Variants in STPG4 observed in about 807,000 individuals in gnomAD.
STPG4 encodes the protein protein STPG4.
Under a neutral mutation model 31.5 loss-of-function variants are expected in STPG4, and 41 were observed. The observed-to-expected ratio is 1.30, with a 90% CI of 1.01 to 1.69. STPG4 has a LOEUF of 1.69. Ranked by LOEUF, STPG4 falls within the 40% of genes most tolerant of loss-of-function variation. STPG4 has a pLI of 0.00. For missense variants in STPG4, 375 were observed against 293.4 expected, an observed-to-expected ratio of 1.28 and a Z score of -2.03; for synonymous variants, 141 against 103.0, an observed-to-expected ratio of 1.37 and a Z score of -2.24.
chr2:47,102,163 T>C (rs921543479), intron 5 of STPG4, among the ~76,000 whole-genome samples: 3 of 135,858 alleles, frequency 2.2e-5, no homozygotes, highest in Admixed American at 7.2e-5. Context: ...TTGCAGGTTC[T>C]TGGGCAGGGG....
chr2:47,147,904 A>G (rs916905859), intron 3 of STPG4, among the ~76,000 whole-genome samples: 6 of 152,086 alleles, frequency 3.9e-5, no homozygotes, highest in Admixed American at 2.0e-4. Context: ...CCAAATATAG[A>G]TAAGTATATG....
At chr2:47,130,384 T>C (rs1686453480) in intron 3 of STPG4, 124 bp from the exon 4 acceptor site, 3 of 755,258 alleles carry the variant, frequency 4.0e-6, no homozygotes, top group Non-Finnish European at 6.5e-6. Context: ...TTTACTTTAA[T>C]AGTGGAAAAG....
intron 3 of STPG4, among the ~76,000 whole-genome samples, chr2:47,142,791 C>G (rs74893307): frequency 7.0e-6 from 1 of 143,352 alleles, no homozygotes; most frequent in African/African-American, 2.5e-5. Context: ...CATGTAGTAA[C>G]AACTTAGAGA....
Position 47,130,247 on chromosome 2 carries a change from G to A in STPG4, c.413C>T (p.Ser138Phe). ...AGGAAGCACGTTGTATTGCCCCGGA[G>A]AAAGCTGAAGTGACTGCACAGAATG... The part of the protein sequence containing the change: ...LVDKDQSLQL[S>F]PGQYNVLPAP... Residue 138 changes from serine (S) to phenylalanine (F), a missense_variant, in exon 4 of 7, where the codon TCT (serine) becomes TTT (phenylalanine). Coordinates refer to ENST00000445927, the MANE Select transcript of STPG4 (RefSeq NM_001163561.2). 1.2e-6 allele frequency: 2 copies of A among 1,614,108 alleles called. No individual in the cohort carries two copies. The highest frequency in any genetic ancestry group is 1.7e-4 in the Middle Eastern group (1 of 6,060).
chr2:47,153,421 A>G (rs1366563707), intron 1 of STPG4, among the ~76,000 whole-genome samples: 2 of 152,236 alleles, frequency 1.3e-5, no homozygotes, highest in Non-Finnish European at 2.9e-5. Context: ...TCCTCACAGT[A>G]GTATAAAAAT....
intron 5 of STPG4, among the ~76,000 whole-genome samples, chr2:47,106,957 T>G (rs1322584959): frequency 6.6e-6 from 1 of 151,980 alleles, no homozygotes; most frequent in Non-Finnish European, 1.5e-5. Flanking sequence ...CACTGGCACT[T>G]CCACTGGCCT....
At chr2:47,126,738 T>C (rs1376029494) in intron 5 of STPG4, among the ~76,000 whole-genome samples, 4 of 152,156 alleles carry the variant, frequency 2.6e-5, no homozygotes, top group Non-Finnish European at 5.9e-5. Flanking sequence ...GCTTTGGTTG[T>C]CTGGGAAAGT....
At chr2:47,148,647 A>G (rs1298714174) in intron 3 of STPG4, among the ~76,000 whole-genome samples, 3 of 152,140 alleles carry the variant, frequency 2.0e-5, no homozygotes, top group African/African-American at 7.2e-5. Flanking sequence ...CGTCATTTAC[A>G]TTAGGTATAT....
At chr2:47,130,016 G>C (rs977393210) in intron 4 of STPG4, 21 bp from the exon 5 acceptor site, 1 of 1,517,234 alleles carries the variant, frequency 6.6e-7, no homozygotes, top group African/African-American at 1.4e-5. Flanking sequence ...AAATAAAAAA[G>C]AAAAGTGATT....
intron 5 of STPG4, among the ~76,000 whole-genome samples, chr2:47,090,931 G>C (rs1450257982): frequency 6.6e-6 from 1 of 152,142 alleles, no homozygotes; most frequent in Non-Finnish European, 1.5e-5. Context: ...TTAGCAACAG[G>C]CCATTCATGA....
intron 1 of STPG4, among the ~76,000 whole-genome samples, chr2:47,153,373 AGCTAGGT>A (rs1686972777): frequency 1.3e-5 from 2 of 152,218 alleles, no homozygotes. Context: ...GCCACTTACC[AGCTAGGT>A]GCACTGGGTG....
intron 3 of STPG4, among the ~76,000 whole-genome samples, chr2:47,138,424 C>G (rs1049143452): frequency 6.8e-6 from 1 of 147,608 alleles, no homozygotes; most frequent in Non-Finnish European, 1.5e-5. Context: ...TGGAGTCTTA[C>G]TCTGTCACCC....
intron 5 of STPG4, among the ~76,000 whole-genome samples, chr2:47,099,773 C>T (rs772399913): frequency 1.3e-5 from 2 of 152,366 alleles, no homozygotes; most frequent in South Asian, 2.1e-4. Flanking sequence ...GTGGCGCTTG[C>T]GGGCCAGCTG....
Position 47,130,198 on chromosome 2 carries a change from G to T in STPG4, c.462C>A (p.Ser154=), listed in dbSNP as rs781128962. The part of the protein sequence containing the change: ...VLPAPVPKYA[S]RSCVFRSTVQ... ...TTATTTAATAAGTATATAATTACCT[G>T]GAAGCATATTTGGGAACTGGTGCAG... The change falls in exon 4 of 7, where the codon TCC becomes TCA. Residue 154 remains serine (S), a splice_region_variant and synonymous_variant. Transcript: ENST00000445927. The T allele has an allele frequency of 1.9e-5, 31 of 1,612,496 alleles. No homozygotes were observed. Among genetic ancestry groups the T allele is most frequent in the Non-Finnish European group, 2.4e-5 (28 of 1,178,660 alleles).
At chr2:47,115,401 C>T (rs1432422847) in intron 5 of STPG4, among the ~76,000 whole-genome samples, 1 of 152,094 alleles carries the variant, frequency 6.6e-6, no homozygotes, top group Non-Finnish European at 1.5e-5. Flanking sequence ...TCACCAGCGG[C>T]ATCTTTTAAA....
intron 5 of STPG4, among the ~76,000 whole-genome samples, chr2:47,107,486 G>A (rs989887675): frequency 4.6e-5 from 7 of 152,290 alleles, no homozygotes; most frequent in East Asian, 3.9e-4. Context: ...TGCTGCGCTC[G>A]GTTTCTCACC....
intron 3 of STPG4, among the ~76,000 whole-genome samples, chr2:47,142,753 A>C (rs1686739969): frequency 6.6e-6 from 1 of 151,764 alleles, no homozygotes; most frequent in Non-Finnish European, 1.5e-5. Context: ...TTATACTCTA[A>C]ATATTGACTT....
intron 5 of STPG4, among the ~76,000 whole-genome samples, chr2:47,128,179 C>T (rs567000474): frequency 6.6e-6 from 1 of 152,284 alleles, no homozygotes; most frequent in African/African-American, 2.4e-5. Context: ...GTTCTCTTCC[C>T]TTCCCTTCCC....
At chr2:47,150,230 G>A (rs558765447) in intron 3 of STPG4, among the ~76,000 whole-genome samples, 41 of 152,344 alleles carry the variant, frequency 2.7e-4, no homozygotes, top group African/African-American at 8.4e-4. Context: ...TAAGTTCTAC[G>A]TAAGCCACGG....
Sources: gnomAD v4.1 joint callset for allele counts (sites outside exome capture counted in the v4.1 genomes callset) on GRCh38, gnomAD v4.1.1 for gene constraint, MANE v1.5 for transcripts, NCBI Gene and HGNC (gene_info 2026-07-23, HGNC 2026-07-21) for gene names.